The following CYP19A1 variants were observed in gnomAD, a reference collection of about 807,000 sequenced individuals.
The protein encoded by CYP19A1 is cytochrome P450 family 19 subfamily A member 1.
Under a neutral mutation model 44.4 loss-of-function variants are expected in CYP19A1, and 32 were observed. The observed-to-expected ratio is 0.72, with a 90% CI of 0.54 to 0.97. CYP19A1 has a LOEUF of 0.97. Ranked by LOEUF, CYP19A1 falls within the 50% of genes least tolerant of loss-of-function variation. The probability of loss-of-function intolerance (pLI) is 0.00; values close to 1 mark genes in which losing one functional copy is unlikely to be tolerated. For synonymous variants in CYP19A1, 212 were observed against 215.6 expected, an observed-to-expected ratio of 0.98 and a Z score of 0.14; for missense variants, 598 against 637.8, an observed-to-expected ratio of 0.94 and a Z score of 0.67.
At chr15:51,305,463 T>C (rs1354953517) in intron 1 of CYP19A1, among the ~76,000 whole-genome samples, 1 of 152,020 alleles carries the variant, frequency 6.6e-6, no homozygotes, top group African/African-American at 2.4e-5. Flanking sequence ...ATGATGGCAG[T>C]GATAGACAGG....
chr15:51,256,947 T>C (rs1298163189), intron 1 of CYP19A1, among the ~76,000 whole-genome samples: 1 of 152,226 alleles, frequency 6.6e-6, no homozygotes, highest in Non-Finnish European at 1.5e-5. Flanking sequence ...TGGGCAAGTC[T>C]GCCTAAGACT....
rs188577630 is a variant in CYP19A1 at position 51,333,852 on chromosome 15, C to A, written c.-39+4643G>T. Among the ~76,000 whole-genome samples, 286 of 152,272 alleles carry A rather than the reference C, an allele frequency of 1.9e-3. 1 individual carries two copies. Among genetic ancestry groups the A allele is most frequent in the African/African-American group, 6.6e-3 (276 of 41,540 alleles). ...TCTGGAGAGGTGAGGCATATCTATTCTAGCTTGTTACTCTGCCTTTGCAAC... is the reference window on the plus strand; with the variant it reads ...TCTGGAGAGGTGAGGCATATCTATTATAGCTTGTTACTCTGCCTTTGCAAC... On this transcript the variant is annotated intron_variant, in intron 1 of 9. Coordinates refer to ENST00000396402, the MANE Select transcript of CYP19A1 (RefSeq NM_000103.4).
In CYP19A1 at chr15:51,301,408, A is replaced by G. The variant is rs545152384; in HGVS notation, c.-39+37087T>C. Among the ~76,000 whole-genome samples the G allele has an allele frequency of 6.6e-5, 10 of 152,344 alleles. No homozygotes were observed. The East Asian group carries it at 1.9e-3, about 29-fold the overall frequency. On this transcript the variant is annotated intron_variant, in intron 1 of 9. Coordinates refer to ENST00000396402, the MANE Select transcript of CYP19A1 (RefSeq NM_000103.4). The stretch of plus-strand genomic sequence containing the variant: ...CCTAACTTGACCAGAGGCAGGCTTC[A>G]TCTCATTTGGGATGCCGGGGCTACA...
At chr15:51,305,535 C>A (rs2036198769) in intron 1 of CYP19A1, among the ~76,000 whole-genome samples, 1 of 151,942 alleles carries the variant, frequency 6.6e-6, no homozygotes, top group African/African-American at 2.4e-5. Context: ...CAGCTGGTAC[C>A]ATGAGATAAT....
At chr15:51,335,382 T>C (rs1028465982) in intron 1 of CYP19A1, among the ~76,000 whole-genome samples, 1 of 152,192 alleles carries the variant, frequency 6.6e-6, no homozygotes, top group Non-Finnish European at 1.5e-5. Context: ...ATATCATCTA[T>C]TCTTATTCCC....
At chr15:51,272,800 A>C (rs1371959227) in intron 1 of CYP19A1, among the ~76,000 whole-genome samples, 1 of 152,182 alleles carries the variant, frequency 6.6e-6, no homozygotes, top group East Asian at 1.9e-4. Flanking sequence ...ACTGCTTACA[A>C]TGCCCCTGGT....
chr15:51,279,216 G>T (rs899867712), intron 1 of CYP19A1: 4 of 152,200 alleles, frequency 2.6e-5, no homozygotes, highest in Non-Finnish European at 5.9e-5. Context: ...GTGATTTAAA[G>T]ATTTGTTCCC....
intron 1 of CYP19A1, among the ~76,000 whole-genome samples, chr15:51,276,816 C>G (rs28757131): frequency 6.6e-6 from 1 of 151,952 alleles, no homozygotes; most frequent in South Asian, 2.1e-4. Context: ...TAAAATCAAA[C>G]GTAATCATAA....
intron 1 of CYP19A1, among the ~76,000 whole-genome samples, chr15:51,269,136 G>A (rs1210098648): frequency 6.6e-6 from 1 of 152,054 alleles, no homozygotes; most frequent in Non-Finnish European, 1.5e-5. Flanking sequence ...TCTTCTGTAA[G>A]TGTAATAGTT....
chr15:51,263,585 G>T (rs1333181989), intron 1 of CYP19A1, among the ~76,000 whole-genome samples: 1 of 152,180 alleles, frequency 6.6e-6, no homozygotes, highest in Non-Finnish European at 1.5e-5. Flanking sequence ...AGAGGTCAAA[G>T]ATTTGGAAAA....
rs113554308 is a variant in CYP19A1, at chr15:51,210,165, T to C, written c.*643A>G. 2.8e-5 allele frequency: 10 copies of C among 357,766 alleles called. No individual in the cohort carries two copies. The highest frequency in any genetic ancestry group is 1.7e-4 in the African/African-American group (8 of 46,750). The allele number at this position is 357,766 out of a possible 1,614,324, so 22.2% of individuals were successfully genotyped here. Reference sequence around the variant, plus strand: ...GTAGCACAGGCAAGTGGCTGAGGCATAAATCGACAGACTGGGAAAGAATTT... The same window carrying C: ...GTAGCACAGGCAAGTGGCTGAGGCACAAATCGACAGACTGGGAAAGAATTT... On this transcript the variant is annotated 3_prime_UTR_variant, in exon 10 of 10. Coordinates refer to ENST00000396402, the MANE Select transcript of CYP19A1 (RefSeq NM_000103.4).
At chr15:51,290,211 T>C (rs2035810523) in intron 1 of CYP19A1, among the ~76,000 whole-genome samples, 1 of 152,172 alleles carries the variant, frequency 6.6e-6, no homozygotes, top group Non-Finnish European at 1.5e-5. Context: ...AAATGTTAGC[T>C]ATTAATAATA....
chr15:51,334,607 A>T (rs1300459129), intron 1 of CYP19A1, among the ~76,000 whole-genome samples: 1 of 152,238 alleles, frequency 6.6e-6, no homozygotes, highest in East Asian at 1.9e-4. Flanking sequence ...ATTGTTTCTG[A>T]AAACAATCAC....
intron 1 of CYP19A1, among the ~76,000 whole-genome samples, chr15:51,332,306 T>C (rs1358377344): frequency 2.0e-5 from 3 of 152,230 alleles, no homozygotes; most frequent in Non-Finnish European, 4.4e-5. Context: ...CCTCTCCTGC[T>C]GTTCCTCCTC....
At chr15:51,223,589 TCTCTCA>T (rs1441923359) in intron 4 of CYP19A1, among the ~76,000 whole-genome samples, 26 of 66,220 alleles carry the variant, frequency 3.9e-4, no homozygotes, top group Non-Finnish European at 5.2e-4. Flanking sequence ...TCTCTCTCTC[TCTCTCA>T]CACACACACA....
At chr15:51,262,321 C>T (rs962203980) in intron 1 of CYP19A1, among the ~76,000 whole-genome samples, 3 of 152,174 alleles carry the variant, frequency 2.0e-5, no homozygotes, top group African/African-American at 7.2e-5. Flanking sequence ...TCAGGGCTCT[C>T]AGCTCTGAAG....
chr15:51,252,349 C>T (rs2034347486), intron 1 of CYP19A1, among the ~76,000 whole-genome samples: 1 of 152,194 alleles, frequency 6.6e-6, no homozygotes, highest in Non-Finnish European at 1.5e-5. Flanking sequence ...CTCCTGGGCC[C>T]AGTTCCTTTC....
At chr15:51,317,190 C>T (rs541042899) in intron 1 of CYP19A1, among the ~76,000 whole-genome samples, 1 of 152,124 alleles carries the variant, frequency 6.6e-6, no homozygotes, top group East Asian at 1.9e-4. Context: ...CAAGCTCTGC[C>T]TCCCAGGTTC....
intron 1 of CYP19A1, among the ~76,000 whole-genome samples, chr15:51,256,514 G>A (rs537138131): frequency 1.3e-5 from 2 of 152,266 alleles, no homozygotes; most frequent in South Asian, 2.1e-4. Context: ...TCCTGCACAA[G>A]TCATTCTGGG....
Sources: gnomAD v4.1 joint callset for allele counts (sites outside exome capture counted in the v4.1 genomes callset) on GRCh38, gnomAD v4.1.1 for gene constraint, MANE v1.5 for transcripts, NCBI Gene and HGNC (gene_info 2026-07-23, HGNC 2026-07-21) for gene names.